The following FFAR2 variants were observed in gnomAD, a reference collection of about 807,000 sequenced individuals.
FFAR2 encodes the protein free fatty acid receptor 2.
For synonymous variants in FFAR2, 193 were observed against 189.9 expected (o/e 1.02, Z -0.13); for missense variants, 421 against 428.9 (o/e 0.98, Z 0.16).
rs1198322456 is a variant in FFAR2, at chr19:35,450,128, T to C, written c.414T>C (p.Phe138=). 1 of 1,614,184 alleles carries C rather than the reference T, an allele frequency of 6.2e-7. No individual in the cohort carries two copies. The highest frequency in any genetic ancestry group is 1.1e-5 in the South Asian group (1 of 91,088). The part of the protein sequence containing the change: ...IAALVAWVMS[F]GHCTIVIIVQ... ...CTCTGGTGGCCTGGGTTATGTCCTTTGGTCACTGCACCATCGTGATCATCG... is the reference window on the plus strand; with the variant it reads ...CTCTGGTGGCCTGGGTTATGTCCTTCGGTCACTGCACCATCGTGATCATCG... The change falls in exon 2 of 2, where the codon TTT becomes TTC. Residue 138 remains phenylalanine (F), a synonymous_variant. Coordinates refer to ENST00000599180, the MANE Select transcript of FFAR2 (RefSeq NM_001370087.1).
At chr19:35,448,782 C>T (rs1023343350) in intron 1 of FFAR2, among the ~76,000 whole-genome samples, 1 of 151,382 alleles carries the variant, frequency 6.6e-6, no homozygotes, top group Admixed American at 6.6e-5. Context: ...TCCTCTAAGC[C>T]TCCCAGCTTC....
chr19:35,449,464 C>T (rs970608431), intron 1 of FFAR2, among the ~76,000 whole-genome samples: 2 of 152,224 alleles, frequency 1.3e-5, no homozygotes, highest in Admixed American at 6.5e-5. Flanking sequence ...TGGGAAGCCA[C>T]GAGTTGGTCT....
In FFAR2 at chr19:35,449,661, C is replaced by G. The variant is rs573482916; in HGVS notation, c.-1-53C>G. 2.1e-4 allele frequency: 315 copies of G among 1,512,714 alleles called. 3 individuals carry two copies. In the South Asian group the frequency reaches 3.9e-3, roughly 19 times the overall value. 93.7% of individuals were successfully genotyped at this position (1,512,714 alleles called of 1,614,324 possible). A position where few individuals can be genotyped will look rare whatever the true frequency, so the allele number is the denominator to read the frequency against. ...CCGCATCCTGAAGGAGAGCTGGCTG[C>G]GCGGGCTGTGAGTGAGACCTCCCTG... On this transcript the variant is annotated intron_variant, in intron 1 of 1. Coordinates refer to ENST00000599180, the MANE Select transcript of FFAR2 (RefSeq NM_001370087.1).
Position 35,450,069 on chromosome 19 carries a change from C to T in FFAR2, c.355C>T (p.Leu119Phe). The T allele has an allele frequency of 6.2e-7, 1 of 1,614,218 alleles. No individual in the cohort carries two copies. The highest frequency in any genetic ancestry group is 8.5e-7 in the Non-Finnish European group (1 of 1,180,048). Residue 119 changes from leucine (L) to phenylalanine (F), a missense_variant, in exon 2 of 2, where the codon CTC (leucine) becomes TTC (phenylalanine). Coordinates refer to ENST00000599180, the MANE Select transcript of FFAR2 (RefSeq NM_001370087.1). ...LGVAFPVQYK[L>F]SRRPLYGVIA... is the part of the protein sequence containing the mutation. ...AGTGGCTTTCCCCGTGCAGTACAAGCTCTCCCGCCGGCCTCTGTATGGAGT... is the reference window on the plus strand; with the variant it reads ...AGTGGCTTTCCCCGTGCAGTACAAGTTCTCCCGCCGGCCTCTGTATGGAGT...
rs1293172793 is a variant in FFAR2 at position 35,451,098 on chromosome 19, C to T, written c.*391C>T. The T allele has an allele frequency of 5.4e-6, 1 of 184,344 alleles. No individual in the cohort carries two copies. The highest frequency in any genetic ancestry group is 2.4e-5 in the African/African-American group (1 of 41,920). The allele number at this position is 184,344 out of a possible 1,614,324, so 11.4% of individuals were successfully genotyped here. A position where few individuals can be genotyped will look rare whatever the true frequency, so the allele number is the denominator to read the frequency against. On this transcript the variant is annotated 3_prime_UTR_variant, in exon 2 of 2. Transcript: ENST00000599180. ...AATTAGCTGGGCATGGTGGCACATG[C>T]CTATAATCCCAGCTACTCTGGAGGC...
chr19:35,451,665 C>A lies in FFAR2; in HGVS notation c.*958C>A, dbSNP rs955608215. ...TTCCTCCATGGTACCCCACACAGGCCAGGATGTGGTTTGGTACCCAGCAAT... is the reference window on the plus strand; with the variant it reads ...TTCCTCCATGGTACCCCACACAGGCAAGGATGTGGTTTGGTACCCAGCAAT... On this transcript the variant is annotated 3_prime_UTR_variant, in exon 2 of 2. Coordinates refer to ENST00000599180, the MANE Select transcript of FFAR2 (RefSeq NM_001370087.1). The A allele has an allele frequency of 1.3e-5, 2 of 152,164 alleles. No individual in the cohort carries two copies. Among genetic ancestry groups the A allele is most frequent in the African/African-American group, 4.8e-5 (2 of 41,428 alleles). The allele number at this position is 152,164 out of a possible 1,614,324, so 9.4% of individuals were successfully genotyped here.
In FFAR2 at chr19:35,450,040, T is replaced by A; in HGVS notation, c.326T>A (p.Leu109Gln). The change falls in exon 2 of 2, where the codon CTG becomes CAG. Residue 109 changes from leucine to glutamine, a missense_variant. Coordinates refer to ENST00000599180, the MANE Select transcript of FFAR2 (RefSeq NM_001370087.1). ...LLAGISIERY[L>Q]GVAFPVQYKL... ...GCGGGCATCAGCATCGAGCGCTACC[T>A]GGGAGTGGCTTTCCCCGTGCAGTAC... 6.2e-7 allele frequency: 1 copy of A among 1,614,220 alleles called. No individual in the cohort carries two copies.
rs1320553083 is a variant in FFAR2, at chr19:35,448,266, T to C, written c.-115T>C. 4 of 152,188 alleles carry C rather than the reference T, an allele frequency of 2.6e-5. No homozygotes were observed. Among genetic ancestry groups the C allele is most frequent in the African/African-American group, 9.7e-5 (4 of 41,444 alleles). 9.4% of individuals were successfully genotyped at this position (152,188 alleles called of 1,614,324 possible). ...ACCAGCCAGGTTCCTCACCATTTTT[T>C]CCTGCATGGCATGGACAGAAGCAGG... On this transcript the variant is annotated 5_prime_UTR_variant, in exon 1 of 2. Transcript: ENST00000599180.
chr19:35,448,381 C>T (rs537079364), upstream of FFAR2: 1 of 152,418 alleles, frequency 6.6e-6, no homozygotes, highest in South Asian at 2.1e-4. Context: ...CAACACAAGG[C>T]AAGGCAGCTA....
Position 35,450,522 on chromosome 19 carries a change from C to T in FFAR2, c.808C>T (p.Pro270Ser). 1 of 1,614,224 alleles carries T rather than the reference C, an allele frequency of 6.2e-7. No individual in the cohort carries two copies. The highest frequency in any genetic ancestry group is 1.1e-5 in the South Asian group (1 of 91,090). Residue 270 changes from proline to serine, a missense_variant, in exon 2 of 2, where the codon CCC (proline) becomes TCC (serine). Coordinates refer to ENST00000599180, the MANE Select transcript of FFAR2 (RefSeq NM_001370087.1). Reference protein sequence around the residue: ...VFSSLNASLDPLLFYFSSSVV... With the variant: ...VFSSLNASLDSLLFYFSSSVV... ...CAGTTCACTCAACGCCAGTCTGGAC[C>T]CCCTGCTCTTCTATTTCTCTTCTTC... is the stretch of plus-strand genomic sequence containing the variant.
In FFAR2 at chr19:35,449,776, G is replaced by A. The variant is rs2067367647; in HGVS notation, c.62G>A (p.Gly21Asp). 6.2e-7 allele frequency: 1 copy of A among 1,603,190 alleles called. No individual in the cohort carries two copies. The highest frequency in any genetic ancestry group is 8.5e-7 in the Non-Finnish European group (1 of 1,175,480). Residue 21 changes from glycine to aspartate, a missense_variant, in exon 2 of 2, where the codon GGC (glycine) becomes GAC (aspartate). Coordinates refer to ENST00000599180, the MANE Select transcript of FFAR2 (RefSeq NM_001370087.1). The stretch of plus-strand genomic sequence containing the variant: ...GCTTACATCATCATCTTCCTCACTG[G>A]CCTCCCTGCCAACCTCCTGGCCCTG... ...LMAYIIIFLT[G>D]LPANLLALRA...
At chr19:35,448,590 G>A (rs1394178002) in intron 1 of FFAR2, among the ~76,000 whole-genome samples, 2 of 152,124 alleles carry the variant, frequency 1.3e-5, no homozygotes, top group African/African-American at 2.4e-5. Flanking sequence ...GGCCAGCAAG[G>A]GTGACACCCC....
At position 35,451,220 on chromosome 19, in the gene FFAR2, TAAAA is replaced by T. The variant is rs896189438; in HGVS notation, c.*533_*536del. The T allele has an allele frequency of 4.5e-5, 5 of 112,122 alleles. No homozygotes were observed. Among genetic ancestry groups the T allele is most frequent in the Admixed American group, 1.9e-4 (2 of 10,448 alleles). The allele number at this position is 112,122 out of a possible 1,614,324, so 6.9% of individuals were successfully genotyped here. A position where few individuals can be genotyped will look rare whatever the true frequency, so the allele number is the denominator to read the frequency against. ...CCTAGCGACAGAGCAAGACTCCATT[TAAAA>T]AAAAAAAAAAAAAAAAAAAGAAGCA... On this transcript the variant is annotated 3_prime_UTR_variant, in exon 2 of 2. Coordinates refer to ENST00000599180, the MANE Select transcript of FFAR2 (RefSeq NM_001370087.1).
In FFAR2 at chr19:35,450,857, G is replaced by A. The variant is rs2067377859; in HGVS notation, c.*150G>A. 2.7e-6 allele frequency: 2 copies of A among 747,218 alleles called. No homozygotes were observed. The allele number at this position is 747,218 out of a possible 1,614,324, so 46.3% of individuals were successfully genotyped here. ...TGAAAAAAATGCCTTTCACCAGCTT[G>A]GTATCCCTTCCTGACTGAATTGTCC... On this transcript the variant is annotated 3_prime_UTR_variant, in exon 2 of 2. Coordinates refer to ENST00000599180, the MANE Select transcript of FFAR2 (RefSeq NM_001370087.1).
chr19:35,451,045 A>C lies in FFAR2; in HGVS notation c.*338A>C. ...GAGAACATCCTGGTCAACATGGGAAAACCCCGTCTCTACTAAAAATACAAA... is the reference window on the plus strand; with the variant it reads ...GAGAACATCCTGGTCAACATGGGAACACCCCGTCTCTACTAAAAATACAAA... On this transcript the variant is annotated 3_prime_UTR_variant, in exon 2 of 2. Coordinates refer to ENST00000599180, the MANE Select transcript of FFAR2 (RefSeq NM_001370087.1). The C allele has an allele frequency of 4.5e-6, 1 of 221,542 alleles. No individual in the cohort carries two copies. 13.7% of individuals were successfully genotyped at this position (221,542 alleles called of 1,614,324 possible). A position where few individuals can be genotyped will look rare whatever the true frequency, so the allele number is the denominator to read the frequency against.
Position 35,451,469 on chromosome 19 carries a change from G to C in FFAR2, c.*762G>C, listed in dbSNP as rs2067381718. The C allele has an allele frequency of 1.3e-5, 2 of 152,238 alleles. No individual in the cohort carries two copies. The highest frequency in any genetic ancestry group is 4.1e-4 in the South Asian group (2 of 4,832). The allele number at this position is 152,238 out of a possible 1,614,324, so 9.4% of individuals were successfully genotyped here. A position where few individuals can be genotyped will look rare whatever the true frequency, so the allele number is the denominator to read the frequency against. On this transcript the variant is annotated 3_prime_UTR_variant, in exon 2 of 2. Transcript: ENST00000599180. ...ATGAGGTCAAAGAAGACTCAGAAAGGTTCTGAGCCTGGAGATGAGCAGGGA... is the reference window on the plus strand; with the variant it reads ...ATGAGGTCAAAGAAGACTCAGAAAGCTTCTGAGCCTGGAGATGAGCAGGGA...
rs544377081 is a variant in FFAR2 at position 35,449,687 on chromosome 19, A to G, written c.-1-27A>G. The stretch of plus-strand genomic sequence containing the variant: ...GCGGGCTGTGAGTGAGACCTCCCTG[A>G]CCCCGCCCTTTTTTGTTCCCCTCCA... On this transcript the variant is annotated intron_variant, in intron 1 of 1. Transcript: ENST00000599180. 68 of 1,528,852 alleles carry G rather than the reference A, an allele frequency of 4.4e-5. No individual in the cohort carries two copies. The South Asian group carries it at 8.0e-4, about 18-fold the overall frequency. The allele number at this position is 1,528,852 out of a possible 1,614,324, so 94.7% of individuals were successfully genotyped here.
Position 35,450,270 on chromosome 19 carries a change from G to C in FFAR2, c.556G>C (p.Val186Leu). The C allele has an allele frequency of 6.2e-7, 1 of 1,614,206 alleles. No homozygotes were observed. The highest frequency in any genetic ancestry group is 8.5e-7 in the Non-Finnish European group (1 of 1,180,046). The change falls in exon 2 of 2, where the codon GTG becomes CTG. Residue 186 changes from valine (V) to leucine (L), a missense_variant. By Grantham distance (32) the Val-to-Leu change is conservative (BLOSUM62 1). Transcript: ENST00000599180. ...VLPVRLELCL[V>L]LFFIPMAVTI... is the part of the protein sequence containing the mutation. The stretch of plus-strand genomic sequence containing the variant: ...GCCCGTGCGGCTGGAGCTGTGCCTG[G>C]TGCTCTTCTTCATCCCCATGGCAGT...
At position 35,450,636 on chromosome 19, in the gene FFAR2, G is replaced by C. The variant is rs1254898860; in HGVS notation, c.922G>C (p.Glu308Gln). Reference protein sequence around the residue: ...LLGRRGKDTAEGTNEDRGVGQ... With the variant: ...LLGRRGKDTAQGTNEDRGVGQ... ...GGGACGCAGAGGCAAAGACACAGCAGAGGGGACAAATGAGGACAGGGGTGT... is the reference window on the plus strand; with the variant it reads ...GGGACGCAGAGGCAAAGACACAGCACAGGGGACAAATGAGGACAGGGGTGT... The change falls in exon 2 of 2, where the codon GAG (glutamate) becomes CAG (glutamine). Residue 308 changes from glutamate (E) to glutamine (Q), a missense_variant. Physicochemically the swap from Glu to Gln is conservative, Grantham distance 29. Transcript: ENST00000599180. The C allele has an allele frequency of 6.2e-7, 1 of 1,614,104 alleles. No individual in the cohort carries two copies. The highest frequency in any genetic ancestry group is 8.5e-7 in the Non-Finnish European group (1 of 1,180,038).
Sources: gnomAD v4.1 joint callset for allele counts (sites outside exome capture counted in the v4.1 genomes callset) on GRCh38, gnomAD v4.1.1 for gene constraint, MANE v1.5 for transcripts, NCBI Gene and HGNC (gene_info 2026-07-23, HGNC 2026-07-21) for gene names.